Variants in HPS4 observed in about 807,000 individuals in gnomAD.
HPS4 encodes the protein BLOC-3 complex member HPS4.
HPS4 carries 44 observed loss-of-function variants against 70.3 expected under a neutral mutation model. The observed-to-expected ratio is 0.63, with a 90% CI of 0.49 to 0.80. The LOEUF (loss-of-function observed/expected upper bound fraction) is 0.80, where lower values mean the gene tolerates loss of function less well. HPS4 is among the 30% of genes least tolerant of loss of function. HPS4 has a pLI of 0.00. For missense variants in HPS4, 873 were observed against 884.4 expected (o/e 0.99, Z 0.16); for synonymous variants, 377 against 355.9 (o/e 1.06, Z -0.67).
intron 11 of HPS4, among the ~76,000 whole-genome samples, chr22:26,461,737 C>T (rs1012063333): frequency 6.6e-6 from 1 of 152,164 alleles, no homozygotes; most frequent in Non-Finnish European, 1.5e-5. Context: ...AATCAAACAC[C>T]TCTTCCTGAT....
chr22:26,456,055 AG>A (rs1041818579), intron 13 of HPS4, among the ~76,000 whole-genome samples: 4 of 152,220 alleles, frequency 2.6e-5, no homozygotes, highest in Non-Finnish European at 5.9e-5. Context: ...TCTGACAGAA[AG>A]ATCTATTGGA....
At chr22:26,447,200 C>G (rs921037935), downstream of HPS4, among the ~76,000 whole-genome samples, 15 of 152,252 alleles carry the variant, frequency 9.9e-5, no homozygotes, top group Admixed American at 9.8e-4. Context: ...ACACGTGATC[C>G]AAGTTCTTTT....
At chr22:26,463,527 G>A (rs973230528) in intron 11 of HPS4, among the ~76,000 whole-genome samples, 7 of 152,210 alleles carry the variant, frequency 4.6e-5, no homozygotes, top group East Asian at 1.9e-4. Flanking sequence ...CCATCCCTAC[G>A]TGACTGAGGA....
rs1225705219 is a variant in HPS4 at position 26,451,996 on chromosome 22, GCGCGCGCGCACACACACACACACA to G, written c.*1213_*1236del. On this transcript the variant is annotated 3_prime_UTR_variant, in exon 14 of 14. Coordinates refer to ENST00000398145, the MANE Select transcript of HPS4 (RefSeq NM_022081.6). The stretch of plus-strand genomic sequence containing the variant: ...GGATGCGCCCACGTTACGCGCGCGC[GCGCGCGCGCACACACACACACACA>G]CACACACACACACACACACACACTG... 4 of 40,364 alleles carry G rather than the reference GCGCGCGCGCACACACACACACACA, an allele frequency of 9.9e-5. No individual in the cohort carries two copies. Among genetic ancestry groups the G allele is most frequent in the Non-Finnish European group, 3.0e-4 (4 of 13,484 alleles). 2.5% of individuals were successfully genotyped at this position (40,364 alleles called of 1,614,324 possible).
chr22:26,451,986 A>AAG lies in HPS4; in HGVS notation c.*1246_*1247insCT. ...AGGAAAAGAGGGATGCGCCCACGTT[A>AAG]CGCGCGCGCGCGCGCGCGCACACAC... On this transcript the variant is annotated 3_prime_UTR_variant, in exon 14 of 14. Transcript: ENST00000398145. 1 of 146,922 alleles carries AAG rather than the reference A, an allele frequency of 6.8e-6. No individual in the cohort carries two copies. The highest frequency in any genetic ancestry group is 1.6e-4 in the South Asian group (1 of 6,410). 9.1% of individuals were successfully genotyped at this position (146,922 alleles called of 1,614,324 possible). A position where few individuals can be genotyped will look rare whatever the true frequency, so the allele number is the denominator to read the frequency against.
At chr22:26,478,320 C>T (rs978639372) in intron 3 of HPS4, among the ~76,000 whole-genome samples, 9 of 151,992 alleles carry the variant, frequency 5.9e-5, no homozygotes, top group Non-Finnish European at 8.8e-5. Flanking sequence ...CGCCTGTAAT[C>T]CCTGCACTTT....
chr22:26,451,748 G>A lies in HPS4; in HGVS notation c.*1485C>T, dbSNP rs2085209835. On this transcript the variant is annotated 3_prime_UTR_variant, in exon 14 of 14. Transcript: ENST00000398145. ...CTGGGAGAACATAGCAGAGGAGTAA[G>A]ACAACATTTATCCTAGCTTCGGATA... is the stretch of plus-strand genomic sequence containing the variant. The A allele has an allele frequency of 6.6e-6, 1 of 152,406 alleles. No individual in the cohort carries two copies. The highest frequency in any genetic ancestry group is 2.4e-5 in the African/African-American group (1 of 41,434). 9.4% of individuals were successfully genotyped at this position (152,406 alleles called of 1,614,324 possible). A position where few individuals can be genotyped will look rare whatever the true frequency, so the allele number is the denominator to read the frequency against.
chr22:26,483,035 T>C (rs1357795695), intron 1 of HPS4, among the ~76,000 whole-genome samples: 2 of 152,252 alleles, frequency 1.3e-5, no homozygotes, highest in East Asian at 3.8e-4. Flanking sequence ...GGGTACACAA[T>C]ACAGTTTGTT....
chr22:26,458,087 C>G (rs73160870), intron 12 of HPS4, 120 bp from the exon 13 acceptor site: 5 of 891,790 alleles, frequency 5.6e-6, no homozygotes, highest in Admixed American at 2.0e-5. Context: ...GTTGGCTGCC[C>G]GGGGCAGAGA....
chr22:26,464,796 A>T lies in HPS4; in HGVS notation c.834T>A (p.Asp278Glu), dbSNP rs139107954. 1.9e-4 allele frequency: 308 copies of T among 1,592,558 alleles called. No homozygotes were observed. The Middle Eastern group carries it at 3.9e-3, about 20-fold the overall frequency. The change falls in exon 11 of 14, where the codon GAT (aspartate) becomes GAA (glutamate). Residue 278 changes from aspartate (D) to glutamate (E), a missense_variant. Transcript: ENST00000398145. ...CCTTTGGATGGTGCTGGGCTGAACC[A>T]TCCTGGAGTCCTGCTGGAGATGCTA... The part of the protein sequence containing the change: ...RSLASPAGLQ[D>E]GSAQHHPKGG...
intron 3 of HPS4, among the ~76,000 whole-genome samples, chr22:26,478,565 C>T (rs1403817209): frequency 8.0e-5 from 5 of 62,716 alleles, no homozygotes; most frequent in African/African-American, 2.7e-4. Flanking sequence ...AGTGAGCCTC[C>T]ATCACAAAAA....
intron 7 of HPS4, among the ~76,000 whole-genome samples, chr22:26,470,091 G>C (rs1018668957): frequency 6.6e-6 from 1 of 152,260 alleles, no homozygotes. Flanking sequence ...GGAAGCTCCG[G>C]GCACAGCGCA....
chr22:26,452,004 G>GCGCGCGCA lies in HPS4; in HGVS notation c.*1228_*1229insTGCGCGCG, dbSNP rs886057307. 1.3e-4 allele frequency: 14 copies of GCGCGCGCA among 105,716 alleles called. No homozygotes were observed. The highest frequency in any genetic ancestry group is 6.4e-4 in the African/African-American group (14 of 21,956). 6.5% of individuals were successfully genotyped at this position (105,716 alleles called of 1,614,324 possible). A position where few individuals can be genotyped will look rare whatever the true frequency, so the allele number is the denominator to read the frequency against. The stretch of plus-strand genomic sequence containing the variant: ...CCACGTTACGCGCGCGCGCGCGCGC[G>GCGCGCGCA]CACACACACACACACACACACACAC... On this transcript the variant is annotated 3_prime_UTR_variant, in exon 14 of 14. Coordinates refer to ENST00000398145, the MANE Select transcript of HPS4 (RefSeq NM_022081.6).
At chr22:26,470,392 T>A (rs1341317769) in intron 7 of HPS4, among the ~76,000 whole-genome samples, 1 of 152,204 alleles carries the variant, frequency 6.6e-6, no homozygotes, top group Non-Finnish European at 1.5e-5. Context: ...GCCTCTTGAC[T>A]ACAGTGCTGG....
intron 3 of HPS4, among the ~76,000 whole-genome samples, chr22:26,478,138 C>T (rs5761554): frequency 0.11 from 16,125 of 151,834 alleles, 1,141 homozygotes; most frequent in Non-Finnish European, 0.16. Flanking sequence ...CTGTAACTTT[C>T]GTTAGGTGTG....
chr22:26,479,799 C>A, intron 2 of HPS4: 1 of 537,036 alleles, frequency 1.9e-6, no homozygotes, highest in Non-Finnish European at 2.4e-6. Flanking sequence ...GGAATTCATG[C>A]ATTCACTTAA....
rs575200307 is a variant in HPS4 at position 26,452,136 on chromosome 22, A to T, written c.*1097T>A. 5.3e-5 allele frequency: 18 copies of T among 338,714 alleles called. No individual in the cohort carries two copies. The highest frequency in any genetic ancestry group is 4.1e-4 in the South Asian group (18 of 44,368). 21.0% of individuals were successfully genotyped at this position (338,714 alleles called of 1,614,324 possible). The stretch of plus-strand genomic sequence containing the variant: ...TGGCTATTTTATTTCTAGCCCTTGG[A>T]AGCTTGTTTCAAGAAAAAGACACCA... On this transcript the variant is annotated 3_prime_UTR_variant, in exon 14 of 14. Coordinates refer to ENST00000398145, the MANE Select transcript of HPS4 (RefSeq NM_022081.6).
At chr22:26,447,317 C>T (rs550935968), downstream of HPS4, among the ~76,000 whole-genome samples, 24 of 152,318 alleles carry the variant, frequency 1.6e-4, no homozygotes, top group African/African-American at 4.6e-4. Flanking sequence ...GCGGGGCCTG[C>T]GCTGTGGAGA....
At chr22:26,467,187 AG>A (rs1272897960) in intron 8 of HPS4, 2 of 152,268 alleles carry the variant, frequency 1.3e-5, no homozygotes, top group East Asian at 3.8e-4. Flanking sequence ...AATTTTATGA[AG>A]GTTTAAGTGA....
Sources: gnomAD v4.1 joint callset for allele counts (sites outside exome capture counted in the v4.1 genomes callset) on GRCh38, gnomAD v4.1.1 for gene constraint, MANE v1.5 for transcripts, NCBI Gene and HGNC (gene_info 2026-07-23, HGNC 2026-07-21) for gene names.